THSD4: variants seen among roughly 807,000 people sequenced by gnomAD.
The protein encoded by THSD4 is thrombospondin type 1 domain containing 4, also known as thrombospondin type-1 domain-containing protein 4.
THSD4 carries 69 observed loss-of-function variants against 119.0 expected under a neutral mutation model. The ratio of observed to expected loss-of-function variants is 0.58; its 90% CI spans 0.48 to 0.71. The LOEUF (loss-of-function observed/expected upper bound fraction) is 0.71. THSD4 is among the 30% of genes least tolerant of loss of function. The pLI is 0.00. For synonymous variants in THSD4, 524 were observed against 540.4 expected, an observed-to-expected ratio of 0.97 and a Z score of 0.42; for missense variants, 1,393 against 1,391.1, an observed-to-expected ratio of 1.00 and a Z score of -0.02.
chr15:71,322,395 C>T (rs1017314212), intron 6 of THSD4, among the ~76,000 whole-genome samples: 1 of 152,110 alleles, frequency 6.6e-6, no homozygotes, highest in African/African-American at 2.4e-5. Flanking sequence ...GAAAAACTTG[C>T]TAGGCCTGTT....
At chr15:71,618,566 G>T (rs1466535305) in intron 7 of THSD4, among the ~76,000 whole-genome samples, 1 of 152,126 alleles carries the variant, frequency 6.6e-6, no homozygotes, top group African/African-American at 2.4e-5. Flanking sequence ...GCAACAAAAG[G>T]TTCTTCAACA....
chr15:71,484,360 C>G (rs1191877621), intron 7 of THSD4, among the ~76,000 whole-genome samples: 1 of 152,196 alleles, frequency 6.6e-6, no homozygotes, highest in Non-Finnish European at 1.5e-5. Context: ...GAAACTGGCC[C>G]TGGGTCTCTT....
At position 71,740,819 on chromosome 15, in the gene THSD4, G is replaced by T. The variant is rs61301715; in HGVS notation, c.1906+2812G>T. On this transcript the variant is annotated intron_variant, in intron 11 of 17. Coordinates refer to ENST00000261862, the MANE Select transcript of THSD4 (RefSeq NM_024817.3). The stretch of plus-strand genomic sequence containing the variant: ...GTATCTGGCCAGCAAAGTCCTGCTC[G>T]TACTCCAAGCTCTGAGACCACCTCT... Among the ~76,000 whole-genome samples, 314 of 152,240 alleles carry T rather than the reference G, an allele frequency of 2.1e-3. 4 individuals are homozygous for T. The highest frequency in any genetic ancestry group is 7.2e-3 in the African/African-American group (298 of 41,532).
intron 7 of THSD4, among the ~76,000 whole-genome samples, chr15:71,561,141 A>AT (rs985173269): frequency 2.6e-5 from 4 of 151,406 alleles, no homozygotes; most frequent in Admixed American, 1.3e-4. Context: ...CACCCGGCTC[A>AT]TTTTTTGCAT....
intron 7 of THSD4, among the ~76,000 whole-genome samples, chr15:71,441,097 A>G (rs2047081774): frequency 6.6e-6 from 1 of 152,202 alleles, no homozygotes; most frequent in Admixed American, 6.5e-5. Context: ...AGTCCACATC[A>G]TAAAATTCTG....
intron 7 of THSD4, among the ~76,000 whole-genome samples, chr15:71,511,915 G>A (rs2048289488): frequency 1.3e-5 from 2 of 152,224 alleles, no homozygotes; most frequent in East Asian, 3.9e-4. Context: ...TGTTTATAAA[G>A]GATCTTTATT....
intron 7 of THSD4, among the ~76,000 whole-genome samples, chr15:71,541,812 T>C (rs1310942250): frequency 6.6e-6 from 1 of 152,160 alleles, no homozygotes; most frequent in Non-Finnish European, 1.5e-5. Context: ...GAATGACCTT[T>C]CTAGAGAAAG....
chr15:71,592,270 T>C (rs2049821577), intron 7 of THSD4, among the ~76,000 whole-genome samples: 1 of 152,208 alleles, frequency 6.6e-6, no homozygotes, highest in Non-Finnish European at 1.5e-5. Flanking sequence ...TTGAGGTGAA[T>C]GCCCTGTTCC....
chr15:71,565,908 G>A (rs998703829), intron 7 of THSD4, among the ~76,000 whole-genome samples: 2 of 152,126 alleles, frequency 1.3e-5, no homozygotes, highest in Non-Finnish European at 2.9e-5. Context: ...TATGATGATG[G>A]CAGACAGAAG....
intron 6 of THSD4, among the ~76,000 whole-genome samples, chr15:71,383,291 T>A (rs985404683): frequency 2.0e-5 from 3 of 152,236 alleles, no homozygotes; most frequent in Non-Finnish European, 4.4e-5. Flanking sequence ...TATCCCCTTT[T>A]ATCATAAGCA....
At chr15:71,685,713 C>T (rs555771946) in intron 8 of THSD4, among the ~76,000 whole-genome samples, 1 of 152,082 alleles carries the variant, frequency 6.6e-6, no homozygotes. Flanking sequence ...CATTGTGAAT[C>T]TTCTCCTTTG....
chr15:71,334,475 A>G (rs1437502866), intron 6 of THSD4, among the ~76,000 whole-genome samples: 6 of 152,176 alleles, frequency 3.9e-5, no homozygotes, highest in Non-Finnish European at 7.3e-5. Context: ...CTTACTAAAC[A>G]TCCAATACAG....
chr15:71,580,322 C>G (rs781050752), intron 7 of THSD4, among the ~76,000 whole-genome samples: 4 of 152,014 alleles, frequency 2.6e-5, no homozygotes, highest in Non-Finnish European at 4.4e-5. Flanking sequence ...GCTCCAGAGT[C>G]TAAGCTTTTC....
In THSD4 at chr15:71,188,591, C is replaced by G. The variant is rs546727592; in HGVS notation, c.100-26444C>G. 1.3e-3 allele frequency among the ~76,000 whole-genome samples: 196 copies of G among 152,214 alleles called. 1 individual carries two copies. The highest frequency in any genetic ancestry group is 2.3e-3 in the South Asian group (11 of 4,814). On this transcript the variant is annotated intron_variant, in intron 3 of 17. Coordinates refer to ENST00000261862, the MANE Select transcript of THSD4 (RefSeq NM_024817.3). Reference sequence around the variant, plus strand: ...GGATCTGACCTGCAGAAGCTGCCTCCAAACCATCACACCATGCTGCCTGCC... The same window carrying G: ...GGATCTGACCTGCAGAAGCTGCCTCGAAACCATCACACCATGCTGCCTGCC...
At chr15:71,750,562 T>G (rs2053429143) in intron 14 of THSD4, among the ~76,000 whole-genome samples, 1 of 152,178 alleles carries the variant, frequency 6.6e-6, no homozygotes, top group African/African-American at 2.4e-5. Flanking sequence ...CGGCTCATCT[T>G]CTTGTGTGTT....
At chr15:71,690,822 A>G (rs556278781) in intron 8 of THSD4, among the ~76,000 whole-genome samples, 9 of 152,318 alleles carry the variant, frequency 5.9e-5, no homozygotes, top group African/African-American at 1.7e-4. Flanking sequence ...TGAGAACAGC[A>G]TGGCAAAGAC....
intron 3 of THSD4, chr15:71,164,757 C>T (rs1369366276): frequency 3.1e-6 from 5 of 1,591,170 alleles, no homozygotes; most frequent in Middle Eastern, 2.3e-4. Flanking sequence ...AAAAAAACTG[C>T]GCTAGAACCA....
In THSD4 at chr15:71,763,744, C is replaced by T. The variant is rs1023845651; in HGVS notation, c.2590-1276C>T. On this transcript the variant is annotated intron_variant, in intron 15 of 17. Coordinates refer to ENST00000261862, the MANE Select transcript of THSD4 (RefSeq NM_024817.3). ...ATAGGAGTGAGCCACCGCGCCTGGC[C>T]CCCGTCTCTAAAAAAAATTGTTTTA... is the stretch of plus-strand genomic sequence containing the variant. Among the ~76,000 whole-genome samples, 15 of 151,710 alleles carry T rather than the reference C, an allele frequency of 9.9e-5. 1 individual carries two copies. The highest frequency in any genetic ancestry group is 7.2e-4 in the Admixed American group (11 of 15,224).
intron 14 of THSD4, among the ~76,000 whole-genome samples, chr15:71,751,176 C>T (rs543087225): frequency 6.6e-6 from 1 of 152,344 alleles, no homozygotes; most frequent in African/African-American, 2.4e-5. Context: ...CTCAACTAAT[C>T]CTTTTGTGCT....
Sources: allele counts gnomAD v4.1 joint callset (sites outside exome capture counted in the v4.1 genomes callset), GRCh38; gene constraint gnomAD v4.1.1; transcripts MANE v1.5; gene names NCBI Gene and HGNC (gene_info 2026-07-23, HGNC 2026-07-21).